Variants in RIMS4 observed in about 807,000 individuals in gnomAD.
RIMS4 encodes regulating synaptic membrane exocytosis 4.
RIMS4 carries 9 observed loss-of-function variants against 29.0 expected under a neutral mutation model. That is an observed-to-expected ratio of 0.31 (90% CI 0.19 to 0.54). RIMS4 has a LOEUF of 0.54. Ranked by LOEUF, RIMS4 falls within the 20% of genes least tolerant of loss-of-function variation. The pLI is 0.94. For missense variants in RIMS4, 193 were observed against 365.7 expected (o/e 0.53, Z 3.85); for synonymous variants, 130 against 152.9 (o/e 0.85, Z 1.10).
At chr20:44,758,221 C>A in intron 2 of RIMS4, 37 bp from the exon 3 acceptor site, 1 of 1,462,912 alleles carries the variant, frequency 6.8e-7, no homozygotes, top group East Asian at 2.3e-5. Flanking sequence ...CACACATTCC[C>A]AGTGGTTTAC....
Position 44,754,468 on chromosome 20 carries a change from C to A in RIMS4, c.*1666G>T, listed in dbSNP as rs891168226. 4 of 156,396 alleles carry A rather than the reference C, an allele frequency of 2.6e-5. No homozygotes were observed. Among genetic ancestry groups the A allele is most frequent in the Non-Finnish European group, 4.3e-5 (3 of 69,656 alleles). The allele number at this position is 156,396 out of a possible 1,614,324, so 9.7% of individuals were successfully genotyped here. Reference sequence around the variant, plus strand: ...TGGGTGTCCTCAGGAGAAAACAACACCCTCTAATGGAGACCAGGCCCCCTC... The same window carrying A: ...TGGGTGTCCTCAGGAGAAAACAACAACCTCTAATGGAGACCAGGCCCCCTC... On this transcript the variant is annotated 3_prime_UTR_variant, in exon 6 of 6. Coordinates refer to ENST00000372851, the MANE Select transcript of RIMS4 (RefSeq NM_182970.4).
At chr20:44,797,150 G>A (rs1183016978) in intron 1 of RIMS4, among the ~76,000 whole-genome samples, 4 of 152,216 alleles carry the variant, frequency 2.6e-5, no homozygotes, top group African/African-American at 9.6e-5. Flanking sequence ...TCCTGGGTGG[G>A]ATAACTAAAG....
chr20:44,765,427 T>A (rs2066109457), intron 2 of RIMS4, among the ~76,000 whole-genome samples: 2 of 152,154 alleles, frequency 1.3e-5, no homozygotes, highest in Non-Finnish European at 2.9e-5. Context: ...ATAATCCCAG[T>A]GCTGTTGTGA....
At chr20:44,794,729 T>C (rs2066247259) in intron 1 of RIMS4, among the ~76,000 whole-genome samples, 1 of 152,190 alleles carries the variant, frequency 6.6e-6, no homozygotes, top group Non-Finnish European at 1.5e-5. Flanking sequence ...GCCACACTGC[T>C]GACTTTTTTT....
chr20:44,784,174 C>T (rs139544627), intron 1 of RIMS4, among the ~76,000 whole-genome samples: 2 of 152,284 alleles, frequency 1.3e-5, no homozygotes, highest in African/African-American at 2.4e-5. Flanking sequence ...TCTGTCCCCT[C>T]GGATGTCATC....
At chr20:44,804,299 T>C (rs2066289096) in intron 1 of RIMS4, among the ~76,000 whole-genome samples, 1 of 152,086 alleles carries the variant, frequency 6.6e-6, no homozygotes, top group Non-Finnish European at 1.5e-5. Context: ...TAATTAACCC[T>C]TTTTTTCCAG....
intron 1 of RIMS4, among the ~76,000 whole-genome samples, chr20:44,806,941 C>G (rs2066301453): frequency 6.6e-6 from 1 of 152,192 alleles, no homozygotes; most frequent in Non-Finnish European, 1.5e-5. Context: ...ATGTCTCGCA[C>G]AAAGGTAATC....
At chr20:44,765,111 G>A (rs975505782) in intron 2 of RIMS4, among the ~76,000 whole-genome samples, 8 of 152,190 alleles carry the variant, frequency 5.3e-5, no homozygotes, top group African/African-American at 1.9e-4. Flanking sequence ...GGAAACTGAG[G>A]CACAGAATTG....
intron 1 of RIMS4, among the ~76,000 whole-genome samples, chr20:44,775,737 G>C (rs553881155): frequency 6.6e-6 from 1 of 152,208 alleles, no homozygotes; most frequent in South Asian, 2.1e-4. Context: ...GTCTGGTTTG[G>C]GGACACCTGA....
In RIMS4 at chr20:44,789,565, T is replaced by G. The variant is rs557780003; in HGVS notation, c.98-18152A>C. On this transcript the variant is annotated intron_variant, in intron 1 of 5. Transcript: ENST00000372851. ...CCCGTCATCACAATATGAGAATTTC[T>G]TATTTTTTTGAGAGATAGGGCCTTG... is the stretch of plus-strand genomic sequence containing the variant. Among the ~76,000 whole-genome samples, 5 of 152,288 alleles carry G rather than the reference T, an allele frequency of 3.3e-5. No homozygotes were observed. In the South Asian group the frequency reaches 1.0e-3, roughly 32 times the overall value.
intron 1 of RIMS4, among the ~76,000 whole-genome samples, chr20:44,786,210 C>A (rs986054156): frequency 2.6e-5 from 4 of 152,200 alleles, no homozygotes; most frequent in African/African-American, 7.2e-5. Flanking sequence ...CCAAGGACAG[C>A]AGCTCAGGCA....
intron 1 of RIMS4, among the ~76,000 whole-genome samples, chr20:44,774,563 G>T (rs1440140789): frequency 6.6e-6 from 1 of 152,328 alleles, no homozygotes. Context: ...TTGGGACTCA[G>T]ACTGGCTTCC....
chr20:44,772,004 G>T (rs1452818529), intron 1 of RIMS4, among the ~76,000 whole-genome samples: 1 of 152,080 alleles, frequency 6.6e-6, no homozygotes, highest in Non-Finnish European at 1.5e-5. Context: ...AGGACTACTC[G>T]CACTGAAACC....
chr20:44,796,021 G>A (rs2066253436), intron 1 of RIMS4, among the ~76,000 whole-genome samples: 1 of 152,102 alleles, frequency 6.6e-6, no homozygotes, highest in South Asian at 2.1e-4. Context: ...GACAGCCAGA[G>A]AGTCCAGGAT....
At chr20:44,809,201 G>A (rs1196674832) in intron 1 of RIMS4, among the ~76,000 whole-genome samples, 1 of 152,156 alleles carries the variant, frequency 6.6e-6, no homozygotes, top group Admixed American at 6.5e-5. Context: ...AGAGAATGAA[G>A]ACTGGAACCT....
intron 1 of RIMS4, among the ~76,000 whole-genome samples, chr20:44,796,314 A>C (rs2066255008): frequency 6.6e-6 from 1 of 152,206 alleles, no homozygotes; most frequent in Non-Finnish European, 1.5e-5. Context: ...CACCCCAGGA[A>C]CCAGAATGTA....
chr20:44,802,623 C>G (rs1308133360), intron 1 of RIMS4, among the ~76,000 whole-genome samples: 2 of 152,166 alleles, frequency 1.3e-5, no homozygotes, highest in African/African-American at 4.8e-5. Flanking sequence ...TGAAAGGAAG[C>G]TGCGTTATGC....
At chr20:44,785,754 T>C (rs552367573) in intron 1 of RIMS4, among the ~76,000 whole-genome samples, 3 of 150,910 alleles carry the variant, frequency 2.0e-5, no homozygotes, top group Admixed American at 6.6e-5. Context: ...GGTTTTCTTT[T>C]TTTTTTTTTT....
In RIMS4 at chr20:44,778,761, C is replaced by T. The variant is rs6073546; in HGVS notation, c.98-7348G>A. On this transcript the variant is annotated intron_variant, in intron 1 of 5. Transcript: ENST00000372851. The stretch of plus-strand genomic sequence containing the variant: ...GAGCATCTTCAGGAGGCAGCATGGC[C>T]TAATGGTTAAAAGCATGGACAATGG... Among the ~76,000 whole-genome samples the T allele has an allele frequency of 6.2e-4, 94 of 152,312 alleles. 1 individual carries two copies. The highest frequency in any genetic ancestry group is 5.0e-3 in the East Asian group (26 of 5,188).
Sources: allele counts gnomAD v4.1 joint callset (sites outside exome capture counted in the v4.1 genomes callset), GRCh38; gene constraint gnomAD v4.1.1; transcripts MANE v1.5; gene names NCBI Gene and HGNC (gene_info 2026-07-23, HGNC 2026-07-21).